LRRTM4: variants seen among roughly 807,000 people sequenced by gnomAD.
The protein encoded by LRRTM4 is leucine-rich repeat transmembrane neuronal protein 4.
A neutral mutation model predicts 47.6 loss-of-function variants in LRRTM4; 25 were observed. The observed-to-expected ratio is 0.53, with a 90% confidence interval of 0.38 to 0.73. LRRTM4 has a LOEUF of 0.73. Ranked by LOEUF, LRRTM4 falls within the 30% of genes least tolerant of loss-of-function variation. LRRTM4 has a pLI of 0.00. For synonymous variants in LRRTM4, 311 were observed against 269.5 expected, an observed-to-expected ratio of 1.15 and a Z score of -1.51; for missense variants, 638 against 713.4, an observed-to-expected ratio of 0.89 and a Z score of 1.20.
At chr2:77,447,917 G>C (rs1251212915) in intron 3 of LRRTM4, among the ~76,000 whole-genome samples, 1 of 152,038 alleles carries the variant, frequency 6.6e-6, no homozygotes, top group Non-Finnish European at 1.5e-5. Flanking sequence ...GTTGAACGTG[G>C]GGATTTTAGC....
chr2:77,140,989 T>G (rs1258863096), intron 3 of LRRTM4, among the ~76,000 whole-genome samples: 1 of 152,102 alleles, frequency 6.6e-6, no homozygotes, highest in Admixed American at 6.5e-5. Context: ...CTGGAGAGGA[T>G]GTGGAGAAAT....
intron 3 of LRRTM4, among the ~76,000 whole-genome samples, chr2:76,805,918 T>TG (rs1457828692): frequency 6.6e-6 from 1 of 152,114 alleles, no homozygotes; most frequent in Non-Finnish European, 1.5e-5. Flanking sequence ...TAATAAATCT[T>TG]TCTCTATCTC....
chr2:76,896,572 A>G (rs193268674), intron 3 of LRRTM4, among the ~76,000 whole-genome samples: 2 of 152,128 alleles, frequency 1.3e-5, no homozygotes, highest in African/African-American at 2.4e-5. Flanking sequence ...AAAAGTTTAT[A>G]TGGTTCAAAG....
At chr2:77,238,371 G>T (rs1573122438) in intron 3 of LRRTM4, among the ~76,000 whole-genome samples, 1 of 151,988 alleles carries the variant, frequency 6.6e-6, no homozygotes, top group African/African-American at 2.4e-5. Context: ...TCCCTTAAAA[G>T]AACACCAAAA....
chr2:76,928,709 T>C (rs1159352990), intron 3 of LRRTM4, among the ~76,000 whole-genome samples: 3 of 152,106 alleles, frequency 2.0e-5, no homozygotes, highest in African/African-American at 7.2e-5. Context: ...TCTCAATGTT[T>C]TCAAGCTGAC....
At chr2:76,790,782 T>A (rs1024611049) in intron 3 of LRRTM4, among the ~76,000 whole-genome samples, 1 of 152,054 alleles carries the variant, frequency 6.6e-6, no homozygotes, top group African/African-American at 2.4e-5. Flanking sequence ...TTGATCAAAT[T>A]TGATATAATT....
chr2:77,448,442 G>C (rs1676136714), intron 3 of LRRTM4, among the ~76,000 whole-genome samples: 1 of 152,116 alleles, frequency 6.6e-6, no homozygotes, highest in Admixed American at 6.6e-5. Flanking sequence ...GAGGGATACA[G>C]TTTGCAGTTT....
At chr2:77,213,387 C>T (rs1369561245) in intron 3 of LRRTM4, among the ~76,000 whole-genome samples, 1 of 152,038 alleles carries the variant, frequency 6.6e-6, no homozygotes, top group Non-Finnish European at 1.5e-5. Flanking sequence ...GTCACTTAAC[C>T]CCTATGGGCC....
intron 3 of LRRTM4, among the ~76,000 whole-genome samples, chr2:76,999,242 G>C (rs1358697478): frequency 6.6e-6 from 1 of 151,692 alleles, no homozygotes. Context: ...GGCAGCTGTG[G>C]GTATGATCCA....
chr2:77,418,255 A>G (rs1674725784), intron 3 of LRRTM4, among the ~76,000 whole-genome samples: 1 of 152,198 alleles, frequency 6.6e-6, no homozygotes, highest in African/African-American at 2.4e-5. Context: ...TAGCAGTGTT[A>G]CACATAGTAT....
chr2:77,024,270 C>G (rs1678373891), intron 3 of LRRTM4, among the ~76,000 whole-genome samples: 1 of 152,128 alleles, frequency 6.6e-6, no homozygotes, highest in African/African-American at 2.4e-5. Context: ...ATGGTAACCA[C>G]TGTTCTACTC....
intron 3 of LRRTM4, among the ~76,000 whole-genome samples, chr2:76,811,009 G>C (rs1228628220): frequency 6.6e-6 from 1 of 152,108 alleles, no homozygotes; most frequent in Admixed American, 6.6e-5. Flanking sequence ...AAACAAATCA[G>C]ATGTTTGGAT....
At chr2:76,962,216 GATAA>G (rs1362765206) in intron 3 of LRRTM4, among the ~76,000 whole-genome samples, 1 of 151,162 alleles carries the variant, frequency 6.6e-6, no homozygotes, top group Non-Finnish European at 1.5e-5. Context: ...TAATTTGAAA[GATAA>G]ATAAAAATTT....
chr2:76,802,348 A>G (rs1675743749), intron 3 of LRRTM4, among the ~76,000 whole-genome samples: 1 of 152,108 alleles, frequency 6.6e-6, no homozygotes, highest in South Asian at 2.1e-4. Flanking sequence ...TACACAAATA[A>G]GAAATCAAGA....
intron 3 of LRRTM4, among the ~76,000 whole-genome samples, chr2:77,079,998 T>A (rs1680479543): frequency 6.6e-6 from 1 of 152,108 alleles, no homozygotes; most frequent in Non-Finnish European, 1.5e-5. Context: ...AAAGAGTTAT[T>A]TATATTCACT....
intron 3 of LRRTM4, among the ~76,000 whole-genome samples, chr2:76,910,215 A>T (rs1674001534): frequency 6.6e-6 from 1 of 152,136 alleles, no homozygotes; most frequent in African/African-American, 2.4e-5. Context: ...ATGAAATTGG[A>T]AATCATCATT....
chr2:77,447,140 A>T (rs13031335), intron 3 of LRRTM4, among the ~76,000 whole-genome samples: 32 of 151,624 alleles, frequency 2.1e-4, no homozygotes, highest in African/African-American at 4.8e-4. Flanking sequence ...TTATGGGAGA[A>T]GCTTCACATC....
intron 3 of LRRTM4, among the ~76,000 whole-genome samples, chr2:76,912,218 C>A (rs919860247): frequency 3.3e-5 from 5 of 151,894 alleles, no homozygotes; most frequent in Non-Finnish European, 5.9e-5. Flanking sequence ...CGCCCCTGGC[C>A]GATATGTGCT....
At chr2:77,451,423 T>TGGA (rs1180681002) in intron 3 of LRRTM4, among the ~76,000 whole-genome samples, 1 of 152,206 alleles carries the variant, frequency 6.6e-6, no homozygotes, top group African/African-American at 2.4e-5. Flanking sequence ...AAACGGAACA[T>TGGA]GGAGGTTCAC....
Sources: allele counts gnomAD v4.1 joint callset (sites outside exome capture counted in the v4.1 genomes callset), GRCh38; gene constraint gnomAD v4.1.1; transcripts MANE v1.5; gene names NCBI Gene and HGNC (gene_info 2026-07-23, HGNC 2026-07-21).